The following DRC9 variants were observed in gnomAD, a reference collection of about 807,000 sequenced individuals.
The protein encoded by DRC9 is dynein regulatory complex protein 9.
the DRC9 span, among the ~76,000 whole-genome samples, chr3:197,946,300 T>C: frequency 6.6e-6 from 1 of 151,740 alleles, no homozygotes; most frequent in African/African-American, 2.4e-5. Flanking sequence ...CCGGGCGTGG[T>C]GGCGGGTGCC....
At chr3:197,911,378 G>A in the DRC9 span, among the ~76,000 whole-genome samples, 1 of 152,098 alleles carries the variant, frequency 6.6e-6, no homozygotes. Flanking sequence ...TTGGCTTTTA[G>A]TAAATAGTTG....
chr3:197,918,894 G>C, the DRC9 span, among the ~76,000 whole-genome samples: 1 of 151,836 alleles, frequency 6.6e-6, no homozygotes, highest in Non-Finnish European at 1.5e-5. Flanking sequence ...TTGCAACTTC[G>C]GTCTCCCAGG....
At chr3:197,918,232 C>T in the DRC9 span, among the ~76,000 whole-genome samples, 35,231 of 146,258 alleles carry the variant, frequency 0.24, 5,461 homozygotes, top group African/African-American at 0.44. Flanking sequence ...CGTGCTACCA[C>T]GCCACCACAC....
the DRC9 span, chr3:197,913,844 C>A: frequency 6.2e-7 from 1 of 1,603,758 alleles, no homozygotes. Flanking sequence ...GCTCAATTGC[C>A]ATCTCCTGGG....
the DRC9 span, among the ~76,000 whole-genome samples, chr3:197,936,647 G>A: frequency 6.6e-6 from 1 of 152,214 alleles, no homozygotes; most frequent in Non-Finnish European, 1.5e-5. Context: ...ACAGGTGTGA[G>A]CTGCCACGCC....
chr3:197,913,970 G>T, the DRC9 span: 2 of 1,613,930 alleles, frequency 1.2e-6, no homozygotes, highest in Non-Finnish European at 1.7e-6. Flanking sequence ...TTCATGTAGC[G>T]ATTCTCCAAG....
At chr3:197,938,509 A>G in the DRC9 span, 2 of 1,501,878 alleles carry the variant, frequency 1.3e-6, no homozygotes, top group Non-Finnish European at 1.9e-6. Context: ...ATCTATGTGT[A>G]AATACGTTAT....
At chr3:197,950,452 C>A in the DRC9 span, 4 of 568,666 alleles carry the variant, frequency 7.0e-6, no homozygotes, top group Non-Finnish European at 9.9e-6. Context: ...TGGGCCTGAA[C>A]GGAGTGAAAC....
chr3:197,924,623 G>A, the DRC9 span, among the ~76,000 whole-genome samples: 3 of 151,984 alleles, frequency 2.0e-5, no homozygotes, highest in South Asian at 2.1e-4. Flanking sequence ...AGGTTCAAGC[G>A]ATTCTCCTGC....
chr3:197,945,814 G>A, the DRC9 span: 100 of 557,450 alleles, frequency 1.8e-4, 1 homozygote, highest in Admixed American at 3.0e-3. Flanking sequence ...CTCTTTGTGC[G>A]GAGTGGAGCA....
the DRC9 span, chr3:197,894,693 A>C: frequency 6.6e-6 from 1 of 152,240 alleles, no homozygotes; most frequent in Non-Finnish European, 1.5e-5. Context: ...GGGACGATGC[A>C]CCTCAAGAGT....
chr3:197,930,357 A>G, the DRC9 span, among the ~76,000 whole-genome samples: 3 of 151,966 alleles, frequency 2.0e-5, no homozygotes, highest in Admixed American at 6.6e-5. Flanking sequence ...AAAATGAAAA[A>G]CTCAGGGAAG....
chr3:197,896,680 G>C, the DRC9 span, among the ~76,000 whole-genome samples: 1 of 152,158 alleles, frequency 6.6e-6, no homozygotes, highest in Non-Finnish European at 1.5e-5. Flanking sequence ...GTGAGTGCCT[G>C]CTTCCTAGAC....
At chr3:197,939,705 G>A in the DRC9 span, among the ~76,000 whole-genome samples, 1 of 151,434 alleles carries the variant, frequency 6.6e-6, no homozygotes, top group Non-Finnish European at 1.5e-5. Flanking sequence ...TTTGCCTAAG[G>A]CAATAAGGGG....
the DRC9 span, among the ~76,000 whole-genome samples, chr3:197,890,135 C>T: frequency 6.6e-6 from 1 of 152,130 alleles, no homozygotes; most frequent in Non-Finnish European, 1.5e-5. Context: ...TGGCTCATGC[C>T]TGTAGTCCCA....
the DRC9 span, among the ~76,000 whole-genome samples, chr3:197,944,452 T>A: frequency 2.7e-5 from 4 of 149,940 alleles, no homozygotes; most frequent in African/African-American, 1.0e-4. Context: ...TATTTTATTT[T>A]ATTTTATTTT....
At chr3:197,953,477 CTT>C in the DRC9 span, 1 of 456,840 alleles carries the variant, frequency 2.2e-6, no homozygotes, top group Middle Eastern at 3.3e-4. Context: ...CCATAATTCT[CTT>C]TATCTCAGCT....
At chr3:197,924,256 G>A in the DRC9 span, among the ~76,000 whole-genome samples, 2 of 151,344 alleles carry the variant, frequency 1.3e-5, no homozygotes, top group Non-Finnish European at 2.9e-5. Flanking sequence ...CTACTCGGGA[G>A]GCTGAGGCAG....
At chr3:197,913,807 T>C in the DRC9 span, 5 of 1,443,800 alleles carry the variant, frequency 3.5e-6, no homozygotes, top group African/African-American at 1.4e-5. Context: ...CCCTCCTTTG[T>C]TAGCTGAGAG....
Sources: allele counts gnomAD v4.1 joint callset (sites outside exome capture counted in the v4.1 genomes callset), GRCh38; gene constraint gnomAD v4.1.1; transcripts MANE v1.5; gene names NCBI Gene and HGNC (gene_info 2026-07-23, HGNC 2026-07-21).